SPIDR: variants seen among roughly 807,000 people sequenced by gnomAD.
SPIDR encodes scaffold protein involved in DNA repair.
A neutral mutation model predicts 104.6 loss-of-function variants in SPIDR; 93 were observed. That is an observed-to-expected ratio of 0.89 (90% confidence interval 0.75 to 1.06). The LOEUF is 1.06. Among genes scored for constraint, SPIDR ranks in the 50% least tolerant of loss-of-function variants. The probability of loss-of-function intolerance (pLI) is 0.00; values close to 1 mark genes in which losing one functional copy is unlikely to be tolerated. For missense variants in SPIDR, 1,154 were observed against 1,111.2 expected, an observed-to-expected ratio of 1.04 and a Z score of -0.55; for synonymous variants, 431 against 416.9, an observed-to-expected ratio of 1.03 and a Z score of -0.41.
chr8:47,338,291 G>C (rs1274793357), intron 5 of SPIDR, among the ~76,000 whole-genome samples: 1 of 152,092 alleles, frequency 6.6e-6, no homozygotes, highest in East Asian at 1.9e-4. Context: ...TACTTTTATG[G>C]TATGAAATTC....
Position 47,621,790 on chromosome 8 carries a change from A to G in SPIDR, c.1544+22594A>G, listed in dbSNP as rs1298209926. Among the ~76,000 whole-genome samples the G allele has an allele frequency of 2.6e-5, 4 of 152,322 alleles. 1 individual carries two copies. The highest frequency in any genetic ancestry group is 2.6e-4 in the Admixed American group (4 of 15,302). ...GGAGTTCAATACCAGTCTGGCCAAC[A>G]TGGTGAAACCCTGTCTCTACAAAAA... On this transcript the variant is annotated intron_variant, in intron 10 of 19. Coordinates refer to ENST00000297423, the MANE Select transcript of SPIDR (RefSeq NM_001080394.4).
At chr8:47,561,301 T>G (rs1248991826) in intron 8 of SPIDR, among the ~76,000 whole-genome samples, 1 of 152,166 alleles carries the variant, frequency 6.6e-6, no homozygotes, top group Non-Finnish European at 1.5e-5. Context: ...TTTTGGAGTT[T>G]CCACCTGGAG....
At chr8:47,328,926 A>C (rs1554602582) in intron 5 of SPIDR, among the ~76,000 whole-genome samples, 1 of 151,506 alleles carries the variant, frequency 6.6e-6, no homozygotes, top group African/African-American at 2.4e-5. Flanking sequence ...TTCTTTTTGG[A>C]AACAGCATCT....
intron 5 of SPIDR, among the ~76,000 whole-genome samples, chr8:47,328,949 C>T (rs2048171115): frequency 6.6e-6 from 1 of 151,972 alleles, no homozygotes; most frequent in South Asian, 2.1e-4. Context: ...CTCTGTTGCA[C>T]AGGCTAGAGT....
At chr8:47,287,333 A>G (rs1554563999) in intron 3 of SPIDR, among the ~76,000 whole-genome samples, 158 of 152,320 alleles carry the variant, frequency 1.0e-3, no homozygotes, top group African/African-American at 2.6e-3. Context: ...ATAAGGGTCT[A>G]TGTTCAGCTG....
chr8:47,422,415 G>A (rs781891736), intron 7 of SPIDR, among the ~76,000 whole-genome samples: 6 of 152,170 alleles, frequency 3.9e-5, no homozygotes, highest in Non-Finnish European at 8.8e-5. Flanking sequence ...AGCCACGTGC[G>A]GGATACAATC....
chr8:47,450,784 G>A (rs568645125), intron 8 of SPIDR, among the ~76,000 whole-genome samples: 10 of 152,272 alleles, frequency 6.6e-5, no homozygotes, highest in Middle Eastern at 3.4e-3. Context: ...TCCCTCTATC[G>A]AAATAACTAC....
At chr8:47,725,452 C>A (rs921554227) in intron 16 of SPIDR, among the ~76,000 whole-genome samples, 1 of 152,096 alleles carries the variant, frequency 6.6e-6, no homozygotes, top group Non-Finnish European at 1.5e-5. Context: ...AGTATAGTGG[C>A]GTGATCTCGG....
intron 5 of SPIDR, among the ~76,000 whole-genome samples, chr8:47,333,261 GTTAAC>G (rs1289484067): frequency 5.3e-5 from 8 of 152,086 alleles, no homozygotes; most frequent in Non-Finnish European, 1.2e-4. Context: ...ATGTTTTACA[GTTAAC>G]TTAAGAAAAA....
At chr8:47,317,925 C>A (rs1383627140) in intron 5 of SPIDR, among the ~76,000 whole-genome samples, 1 of 152,052 alleles carries the variant, frequency 6.6e-6, no homozygotes, top group East Asian at 1.9e-4. Flanking sequence ...AGGATATCCA[C>A]TCCAAAACCC....
chr8:47,461,979 T>G (rs1586107265), intron 8 of SPIDR, among the ~76,000 whole-genome samples: 1 of 152,044 alleles, frequency 6.6e-6, no homozygotes, highest in Non-Finnish European at 1.5e-5. Flanking sequence ...TTGGGGGGTG[T>G]TAAAGCACCT....
intron 8 of SPIDR, among the ~76,000 whole-genome samples, chr8:47,548,795 G>A (rs1190067927): frequency 6.6e-6 from 1 of 152,136 alleles, no homozygotes; most frequent in Non-Finnish European, 1.5e-5. Context: ...TATACTTTAA[G>A]TTCTAGGGTA....
intron 1 of SPIDR, among the ~76,000 whole-genome samples, chr8:47,272,416 AT>A (rs1171254841): frequency 1.3e-5 from 2 of 152,122 alleles, no homozygotes; most frequent in Non-Finnish European, 2.9e-5. Flanking sequence ...TCCTGGATGA[AT>A]TTAATAAAGT....
At chr8:47,279,646 A>C (rs1346403346) in intron 1 of SPIDR, among the ~76,000 whole-genome samples, 1 of 151,810 alleles carries the variant, frequency 6.6e-6, no homozygotes, top group Non-Finnish European at 1.5e-5. Flanking sequence ...GTCTTTACCC[A>C]CTTGTGTTTG....
chr8:47,701,020 C>A (rs2080100604), intron 12 of SPIDR, among the ~76,000 whole-genome samples: 1 of 152,214 alleles, frequency 6.6e-6, no homozygotes, highest in African/African-American at 2.4e-5. Flanking sequence ...CCTTTTCCAG[C>A]AGGCTAGCCA....
intron 1 of SPIDR, among the ~76,000 whole-genome samples, chr8:47,264,149 T>C (rs886885487): frequency 1.3e-4 from 20 of 152,314 alleles, no homozygotes; most frequent in African/African-American, 4.8e-4. Flanking sequence ...CACACAGATA[T>C]ATCACGACTC....
At chr8:47,723,425 T>C (rs2083709003) in intron 16 of SPIDR, among the ~76,000 whole-genome samples, 1 of 129,872 alleles carries the variant, frequency 7.7e-6, no homozygotes, top group South Asian at 2.4e-4. Flanking sequence ...TCAATTATAC[T>C]TTTTTTTTTT....
chr8:47,341,828 A>C (rs1554614238), intron 5 of SPIDR, among the ~76,000 whole-genome samples: 1 of 152,144 alleles, frequency 6.6e-6, no homozygotes, highest in Non-Finnish European at 1.5e-5. Context: ...TTCTCATCAC[A>C]GCACATAGAA....
At chr8:47,294,218 GATAA>G in intron 5 of SPIDR, 188 bp downstream of exon 5, 1 of 607,348 alleles carries the variant, frequency 1.6e-6, no homozygotes, top group Non-Finnish European at 2.6e-6. Context: ...TCTCAACATG[GATAA>G]ATATTGATCT....
Sources: gnomAD v4.1 joint callset for allele counts (sites outside exome capture counted in the v4.1 genomes callset) on GRCh38, gnomAD v4.1.1 for gene constraint, MANE v1.5 for transcripts, NCBI Gene and HGNC (gene_info 2026-07-23, HGNC 2026-07-21) for gene names.